Variants in IFT122 observed in about 807,000 individuals in gnomAD.
The protein encoded by IFT122 is intraflagellar transport 122, also known as intraflagellar transport protein 122 homolog.
A neutral mutation model predicts 161.6 loss-of-function variants in IFT122; 118 were observed. That is an observed-to-expected ratio of 0.73 (90% CI 0.63 to 0.85). The LOEUF is 0.85. IFT122 is among the 40% of genes least tolerant of loss of function. The pLI is 0.00. For synonymous variants in IFT122, 550 were observed against 602.4 expected (o/e 0.91, Z 1.27); for missense variants, 1,381 against 1,579.6 (o/e 0.87, Z 2.13).
At chr3:129,477,982 T>C (rs968241339) in intron 11 of IFT122, 34 bp from the exon 12 acceptor site, 11 of 1,581,630 alleles carry the variant, frequency 7.0e-6, no homozygotes, top group East Asian at 2.2e-5. Context: ...CATAACAACC[T>C]CTTGCTAGAA....
intron 15 of IFT122, chr3:129,487,804 A>G (rs2079472499): frequency 3.5e-6 from 1 of 289,436 alleles, no homozygotes; most frequent in Non-Finnish European, 6.8e-6. Context: ...ACTGCGGCAC[A>G]ACCTGCGATC....
chr3:129,464,701 A>G lies in IFT122; in HGVS notation c.483A>G (p.Lys161=). 3.7e-6 allele frequency: 6 copies of G among 1,614,172 alleles called. No individual in the cohort carries two copies. Among genetic ancestry groups the G allele is most frequent in the Non-Finnish European group, 5.1e-6 (6 of 1,180,032 alleles). Residue 161 remains lysine (K), a synonymous_variant, in exon 7 of 30, where the codon AAA becomes AAG. Coordinates refer to ENST00000348417, the MANE Select transcript of IFT122 (RefSeq NM_052989.3). Reference sequence around the variant, plus strand: ...ATGGGATCATCAGCATACGGAACAAAAATGGCGAGGAGAAAGTAAAGATCG... The same window carrying G: ...ATGGGATCATCAGCATACGGAACAAGAATGGCGAGGAGAAAGTAAAGATCG... ...MFNGIISIRN[K]NGEEKVKIER...
chr3:129,479,833 T>A lies in IFT122; in HGVS notation c.1399T>A (p.Trp467Arg), dbSNP rs774359244. 1 of 1,613,204 alleles carries A rather than the reference T, an allele frequency of 6.2e-7. No homozygotes were observed. The highest frequency in any genetic ancestry group is 8.5e-7 in the Non-Finnish European group (1 of 1,179,840). ...CTTCAGCGGAGTGAAGGAGCGGGAG[T>A]GGCAGATGGAGTCTCTCATTCGTTA... is the stretch of plus-strand genomic sequence containing the variant. ...LSFSGVKERE[W>R]QMESLIRYIK... Residue 467 changes from tryptophan (W) to arginine (R), a missense_variant, in exon 13 of 30, where the codon TGG (tryptophan) becomes AGG (arginine). Transcript: ENST00000348417.
chr3:129,484,855 G>A (rs964239898), intron 15 of IFT122, among the ~76,000 whole-genome samples: 4 of 152,170 alleles, frequency 2.6e-5, no homozygotes, highest in Admixed American at 6.5e-5. Context: ...TAAACCCTTT[G>A]CCTAGTTTCC....
intron 15 of IFT122, among the ~76,000 whole-genome samples, chr3:129,487,011 CAAAAT>C (rs1273765244): frequency 1.3e-5 from 2 of 151,778 alleles, no homozygotes; most frequent in African/African-American, 4.8e-5. Flanking sequence ...TAGACAGACT[CAAAAT>C]AAAAAAAATT....
chr3:129,476,833 G>A lies in IFT122; in HGVS notation c.1147+32G>A, dbSNP rs114016263. 1.7e-3 allele frequency: 2,726 copies of A among 1,613,732 alleles called. 43 individuals carry two copies. The African/African-American group carries it at 0.032, about 19-fold the overall frequency. The stretch of plus-strand genomic sequence containing the variant: ...GGCAGGTCCAGACCTTGGGAAGAGG[G>A]ACAGGTGGAAGCAGGTGGAAAGGGC... On this transcript the variant is annotated intron_variant, in intron 11 of 29. Coordinates refer to ENST00000348417, the MANE Select transcript of IFT122 (RefSeq NM_052989.3).
chr3:129,505,363 T>C (rs1356480061), intron 21 of IFT122, among the ~76,000 whole-genome samples: 1 of 152,224 alleles, frequency 6.6e-6, no homozygotes, highest in African/African-American at 2.4e-5. Context: ...TCTGGACACA[T>C]TGCAGAACAA....
intron 9 of IFT122, among the ~76,000 whole-genome samples, chr3:129,472,376 G>T (rs2077454139): frequency 6.6e-6 from 1 of 151,832 alleles, no homozygotes; most frequent in Non-Finnish European, 1.5e-5. Flanking sequence ...TGTTGTCCAG[G>T]CTGGTCTCAA....
chr3:129,483,849 C>T, intron 15 of IFT122, 167 bp downstream of exon 15: 2 of 720,374 alleles, frequency 2.8e-6, no homozygotes, highest in East Asian at 2.7e-5. Context: ...TGTCTCCACT[C>T]CTTGCAACCT....
chr3:129,457,176 C>T (rs1415699613), intron 3 of IFT122, among the ~76,000 whole-genome samples: 1 of 152,204 alleles, frequency 6.6e-6, no homozygotes, highest in Non-Finnish European at 1.5e-5. Flanking sequence ...GTACCGTGAT[C>T]CTCTTCCAAA....
intron 1 of IFT122, among the ~76,000 whole-genome samples, chr3:129,447,962 G>A (rs529030382): frequency 6.0e-5 from 9 of 150,688 alleles, no homozygotes; most frequent in South Asian, 4.2e-4. Context: ...CCATTCAGAC[G>A]GTTGGGGGGG....
chr3:129,485,533 T>C (rs1361988955), intron 15 of IFT122, among the ~76,000 whole-genome samples: 1 of 152,214 alleles, frequency 6.6e-6, no homozygotes, highest in African/African-American at 2.4e-5. Flanking sequence ...GAACAGCTTC[T>C]CCTGGACTGT....
rs367834133 is a variant in IFT122, at chr3:129,454,513, T to TTTTGTGTGTG, written c.193+2516_193+2517insTTGTGTGTGT. Among the ~76,000 whole-genome samples, 2,125 of 131,248 alleles carry TTTTGTGTGTG rather than the reference T, an allele frequency of 0.016. 144 individuals are homozygous for TTTTGTGTGTG. In the East Asian group the frequency reaches 0.23, roughly 14 times the overall value. The allele number at this position is 131,248 out of a possible 152,430, so 86.1% of individuals were successfully genotyped here. On this transcript the variant is annotated intron_variant, in intron 3 of 29. Coordinates refer to ENST00000348417, the MANE Select transcript of IFT122 (RefSeq NM_052989.3). ...GTGTGCTGTACCATGGTAGTCATAT[T>TTTTGTGTGTG]TGTGTGTGTGTGTGTGTGTGTGTGT...
intron 12 of IFT122, 52 bp downstream of exon 12, chr3:129,478,270 C>T (rs752356135): frequency 3.8e-5 from 57 of 1,515,732 alleles, no homozygotes; most frequent in Non-Finnish European, 4.6e-6. Flanking sequence ...TGTGCTCCCC[C>T]CCCAGTGATA....
intron 18 of IFT122, among the ~76,000 whole-genome samples, chr3:129,498,915 TG>T (rs1409361142): frequency 2.0e-5 from 3 of 152,204 alleles, no homozygotes; most frequent in African/African-American, 7.2e-5. Flanking sequence ...CTCCCACGTG[TG>T]TATTTTGGGT....
At chr3:129,464,428 T>C (rs1036149345) in intron 6 of IFT122, among the ~76,000 whole-genome samples, 6 of 152,348 alleles carry the variant, frequency 3.9e-5, no homozygotes, top group African/African-American at 1.4e-4. Flanking sequence ...AAATGGTGCC[T>C]TCACTTCTCA....
chr3:129,512,173 G>A (rs1578127248), intron 23 of IFT122, 139 bp from the exon 24 acceptor site: 2 of 755,856 alleles, frequency 2.6e-6, no homozygotes, highest in African/African-American at 1.7e-5. Flanking sequence ...ATGGCGCTCA[G>A]CACACAGTAG....
Position 129,515,489 on chromosome 3 carries a change from A to C in IFT122, c.3155A>C (p.Glu1052Ala). 7.4e-7 allele frequency: 1 copy of C among 1,351,060 alleles called. No homozygotes were observed. Among genetic ancestry groups the C allele is most frequent in the Middle Eastern group, 2.3e-4 (1 of 4,308 alleles). The allele number at this position is 1,351,060 out of a possible 1,614,324, so 83.7% of individuals were successfully genotyped here. A position where few individuals can be genotyped will look rare whatever the true frequency, so the allele number is the denominator to read the frequency against. ...IRAKPFHDSE[E>A]LVPLCYRCST... is the part of the protein sequence containing the mutation. ...CGGGAGTCCGTGGCTGTTTTGTAGG[A>C]GTTGGTGCCCTTGTGCTACCGCTGC... Residue 1052 changes from glutamate (E) to alanine (A), a missense_variant and splice_region_variant, in exon 26 of 30, where the codon GAG becomes GCG. Physicochemically the swap from Glu to Ala is moderately radical, Grantham distance 107. Around this residue, in one of 7 missense-constraint regions of IFT122, gnomAD observed 20 missense variants for 54.2 expected, o/e 0.37. Coordinates refer to ENST00000348417, the MANE Select transcript of IFT122 (RefSeq NM_052989.3).
intron 23 of IFT122, among the ~76,000 whole-genome samples, chr3:129,508,902 G>A (rs2082475886): frequency 6.6e-6 from 1 of 152,200 alleles, no homozygotes; most frequent in Admixed American, 6.5e-5. Flanking sequence ...GCCAGCTGCA[G>A]GTGTTGCAGT....
Sources: allele counts gnomAD v4.1 joint callset (sites outside exome capture counted in the v4.1 genomes callset), GRCh38; gene constraint gnomAD v4.1.1; regional missense constraint gnomAD v4.1.1; transcripts MANE v1.5; gene names NCBI Gene and HGNC (gene_info 2026-07-23, HGNC 2026-07-21).